Variants in ABCC8 observed in about 807,000 individuals in gnomAD.
ABCC8 encodes the protein ATP binding cassette subfamily C member 8.
In ABCC8, 137 loss-of-function variants were observed where a neutral mutation model predicts 188.0. The ratio of observed to expected loss-of-function variants is 0.73; its 90% CI spans 0.63 to 0.84. The LOEUF is 0.84. Ranked by LOEUF, ABCC8 falls within the 40% of genes least tolerant of loss-of-function variation. The probability of loss-of-function intolerance (pLI) is 0.00; values close to 1 mark genes in which losing one functional copy is unlikely to be tolerated. For missense variants in ABCC8, 1,750 were observed against 2,072.7 expected (o/e 0.84, Z 3.02); for synonymous variants, 797 against 846.5 (o/e 0.94, Z 1.01).
In ABCC8 at chr11:17,459,522, T is replaced by C. The variant is rs151244876; in HGVS notation, c.1011+966A>G. On this transcript the variant is annotated intron_variant, in intron 6 of 38. Coordinates refer to ENST00000389817, the MANE Select transcript of ABCC8 (RefSeq NM_000352.6). Reference sequence around the variant, plus strand: ...CCTGAGGATTAACTGCTGGCTGCGATTTTGGAGCTCATGAGATGAACAAAT... The same window carrying C: ...CCTGAGGATTAACTGCTGGCTGCGACTTTGGAGCTCATGAGATGAACAAAT... Among the ~76,000 whole-genome samples the C allele has an allele frequency of 3.2e-3, 480 of 152,320 alleles. 2 individuals carry two copies. The Middle Eastern group carries it at 0.048, about 15-fold the overall frequency.
intron 10 of ABCC8, among the ~76,000 whole-genome samples, chr11:17,438,799 T>G (rs1956204058): frequency 6.6e-6 from 1 of 152,198 alleles, no homozygotes; most frequent in African/African-American, 2.4e-5. Context: ...CCACATGGAC[T>G]TCCTTCTCTG....
At chr11:17,411,799 C>G (rs1159852859) in intron 21 of ABCC8, among the ~76,000 whole-genome samples, 1 of 151,950 alleles carries the variant, frequency 6.6e-6, no homozygotes, top group Non-Finnish European at 1.5e-5. Flanking sequence ...TCTTTGAGGC[C>G]AAGGACTGGT....
intron 7 of ABCC8, among the ~76,000 whole-genome samples, chr11:17,449,179 C>T (rs1037645240): frequency 2.6e-5 from 4 of 152,210 alleles, no homozygotes; most frequent in Admixed American, 6.5e-5. Context: ...CCATCCACCT[C>T]GGCCTCCAAA....
chr11:17,431,539 G>A (rs1389805092), intron 11 of ABCC8, among the ~76,000 whole-genome samples: 2 of 152,254 alleles, frequency 1.3e-5, no homozygotes, highest in East Asian at 3.8e-4. Context: ...AGGAACTGCA[G>A]CCATCACAGA....
At chr11:17,476,383 G>T (rs886313574) in intron 1 of ABCC8, among the ~76,000 whole-genome samples, 11 of 152,240 alleles carry the variant, frequency 7.2e-5, no homozygotes, top group African/African-American at 2.7e-4. Context: ...AGCAAAACTT[G>T]GTGATCCCAT....
intron 10 of ABCC8, among the ~76,000 whole-genome samples, chr11:17,438,919 T>A (rs979423482): frequency 1.4e-4 from 22 of 152,328 alleles, no homozygotes; most frequent in African/African-American, 5.3e-4. Context: ...ACCAAGTTGT[T>A]ATGAGGATGA....
intron 36 of ABCC8, 137 bp downstream of exon 36, chr11:17,395,035 G>C (rs1953835965): frequency 3.5e-6 from 4 of 1,144,952 alleles, no homozygotes; most frequent in Non-Finnish European, 5.1e-6. Context: ...CCCGTATAGT[G>C]AGAAGTAGGA....
Position 17,427,238 on chromosome 11 carries a change from AC to A in ABCC8, c.2117-85del. 1 of 1,429,546 alleles carries A rather than the reference AC, an allele frequency of 7.0e-7. No homozygotes were observed. Among genetic ancestry groups the A allele is most frequent in the Non-Finnish European group, 9.2e-7 (1 of 1,089,216 alleles). 88.6% of individuals were successfully genotyped at this position (1,429,546 alleles called of 1,614,324 possible). On this transcript the variant is annotated intron_variant, in intron 15 of 38. Transcript: ENST00000389817. This position sits in a 1 kb window ranked among gnomAD's most constrained non-coding sequence, Gnocchi z 5.0. ...CCCAGAAAGACAGACAGACAGATGC[AC>A]CCAACCCTGGGGCCCCTGTTTTCTT...
At position 17,404,662 on chromosome 11, in the gene ABCC8, G is replaced by A; in HGVS notation, c.3407C>T (p.Pro1136Leu). ...SDCNTIDQHI[P>L]STLECLSRST... is the part of the protein sequence containing the mutation. ...GCGGCTCAGGCACTCCAGCGTGGATGGGATGTGCTGAGGGAGACGAGGGGG... is the reference window on the plus strand; with the variant it reads ...GCGGCTCAGGCACTCCAGCGTGGATAGGATGTGCTGAGGGAGACGAGGGGG... The change falls in exon 28 of 39, where the codon CCA becomes CTA. Residue 1136 changes from proline (P) to leucine (L), a missense_variant. Physicochemically the swap from Pro to Leu is moderately conservative, Grantham distance 98. Transcript: ENST00000389817. This position sits in a 1 kb window ranked among gnomAD's most constrained non-coding sequence, Gnocchi z 4.7. 8 of 1,608,608 alleles carry A rather than the reference G, an allele frequency of 5.0e-6. No homozygotes were observed. Among genetic ancestry groups the A allele is most frequent in the Non-Finnish European group, 6.8e-6 (8 of 1,177,786 alleles).
At chr11:17,434,007 G>A (rs751008253) in intron 10 of ABCC8, among the ~76,000 whole-genome samples, 9 of 152,138 alleles carry the variant, frequency 5.9e-5, no homozygotes, top group Non-Finnish European at 1.0e-4. Flanking sequence ...TAGGACATAC[G>A]ACATAGTGCA....
At chr11:17,421,051 G>T (rs1171959237) in intron 16 of ABCC8, among the ~76,000 whole-genome samples, 1 of 152,194 alleles carries the variant, frequency 6.6e-6, no homozygotes, top group African/African-American at 2.4e-5. Context: ...GCATCTGCAG[G>T]ACTTCAGCAG....
intron 19 of ABCC8, 140 bp from the exon 20 acceptor site, chr11:17,413,618 CA>C (rs1954925359): frequency 6.5e-7 from 1 of 1,545,796 alleles, no homozygotes; most frequent in Non-Finnish European, 8.8e-7. Context: ...TGGGTGCAAG[CA>C]AACACCGTGT....
chr11:17,432,201 T>TA lies in ABCC8; in HGVS notation c.1671+2dup. 1 of 1,552,738 alleles carries TA rather than the reference T, an allele frequency of 6.4e-7. No homozygotes were observed. Among genetic ancestry groups the TA allele is most frequent in the Non-Finnish European group, 8.7e-7 (1 of 1,147,430 alleles). On this transcript the variant is annotated splice_region_variant and intron_variant, in intron 11 of 38. Transcript: ENST00000389817. ...CCAAGAGATGGAGAAAGGATCCACT[T>TA]ACTATGAGGACAGCTGCAATGGGGA...
At chr11:17,397,976 A>G (rs763919506) in intron 30 of ABCC8, 179 bp from the exon 31 acceptor site, 3 of 797,238 alleles carry the variant, frequency 3.8e-6, no homozygotes, top group Non-Finnish European at 4.6e-6. Context: ...CCAGGAGCCA[A>G]CATGTCCCAC....
chr11:17,454,921 G>C (rs1956939529), intron 6 of ABCC8, among the ~76,000 whole-genome samples: 1 of 152,144 alleles, frequency 6.6e-6, no homozygotes, highest in Non-Finnish European at 1.5e-5. Context: ...CCCCTGGCTG[G>C]TACTGGGTCA....
At chr11:17,454,492 C>T (rs534718709) in intron 6 of ABCC8, among the ~76,000 whole-genome samples, 43 of 152,174 alleles carry the variant, frequency 2.8e-4, no homozygotes, top group Admixed American at 5.9e-4. Flanking sequence ...GGCTCTCTGT[C>T]CCATTTGCCA....
intron 29 of ABCC8, among the ~76,000 whole-genome samples, chr11:17,401,398 CTCT>C (rs1340900792): frequency 6.6e-6 from 1 of 152,168 alleles, no homozygotes; most frequent in African/African-American, 2.4e-5. Flanking sequence ...CTTTGCTCTG[CTCT>C]TCTTTACTTA....
intron 10 of ABCC8, among the ~76,000 whole-genome samples, chr11:17,434,257 A>T (rs1188407799): frequency 6.6e-6 from 1 of 151,996 alleles, no homozygotes; most frequent in African/African-American, 2.4e-5. Flanking sequence ...CCAGGCCAAG[A>T]CCCCTCCTTC....
At chr11:17,475,129 G>T (rs1848690594) in intron 1 of ABCC8, 102 bp from the exon 2 acceptor site, 1 of 1,527,744 alleles carries the variant, frequency 6.5e-7, no homozygotes, top group African/African-American at 1.4e-5. Flanking sequence ...CCATGGTGAG[G>T]GTGACACCTA....
Sources: gnomAD v4.1 joint callset for allele counts (sites outside exome capture counted in the v4.1 genomes callset) on GRCh38, gnomAD v4.1.1 for gene constraint, Gnocchi (gnomAD v3.1) non-coding constraint, MANE v1.5 for transcripts, NCBI Gene and HGNC (gene_info 2026-07-23, HGNC 2026-07-21) for gene names.